Variants in CEPT1 observed in about 807,000 individuals in gnomAD.
The protein encoded by CEPT1 is choline/ethanolaminephosphotransferase 1.
In CEPT1, 7 loss-of-function variants were observed where a neutral mutation model predicts 42.6. The ratio of observed to expected loss-of-function variants is 0.16; its 90% CI spans 0.09 to 0.31. CEPT1 has a LOEUF of 0.31. Ranked by LOEUF, CEPT1 falls within the 10% of genes least tolerant of loss-of-function variation. The pLI, the probability that CEPT1 is intolerant of heterozygous loss-of-function variation, is 1.00. For missense variants in CEPT1, 306 were observed against 502.1 expected (o/e 0.61, Z 3.73); for synonymous variants, 171 against 171.9 (o/e 0.99, Z 0.04).
chr1:111,149,020 A>G (rs1431701947), intron 2 of CEPT1, among the ~76,000 whole-genome samples: 1 of 152,102 alleles, frequency 6.6e-6, no homozygotes, highest in Non-Finnish European at 1.5e-5. Flanking sequence ...TTCTCAGATT[A>G]TTTGTCCTTT....
chr1:111,159,115 G>A lies in CEPT1; in HGVS notation c.340-265G>A, dbSNP rs571727846. ...TTTTTAGTAGAGACGGGGTTTCACC[G>A]TTTTTTAGCCGGGATGGTCTCGATC... On this transcript the variant is annotated intron_variant, in intron 2 of 8. Coordinates refer to ENST00000357172, the MANE Select transcript of CEPT1 (RefSeq NM_006090.5). Among the ~76,000 whole-genome samples, 340 of 149,430 alleles carry A rather than the reference G, an allele frequency of 2.3e-3. 3 individuals carry two copies. Among genetic ancestry groups the A allele is most frequent in the East Asian group, 1.6e-3 (8 of 5,144 alleles).
intron 2 of CEPT1, among the ~76,000 whole-genome samples, chr1:111,153,648 T>C (rs191799355): frequency 1.3e-5 from 2 of 152,324 alleles, no homozygotes; most frequent in Admixed American, 6.5e-5. Context: ...TTCTTGAATA[T>C]AGTGAGAGAT....
intron 1 of CEPT1, chr1:111,140,582 CG>C (rs1240039893): frequency 2.0e-5 from 3 of 152,484 alleles, no homozygotes; most frequent in Admixed American, 6.5e-5. Context: ...GCGCGGGAGC[CG>C]GGGGGCTGTT....
intron 4 of CEPT1, among the ~76,000 whole-genome samples, chr1:111,161,664 G>T (rs1426560256): frequency 6.6e-6 from 1 of 152,132 alleles, no homozygotes; most frequent in Non-Finnish European, 1.5e-5. Context: ...GTTTCTGAGA[G>T]CAGCGCCCTA....
rs147297428 is a variant in CEPT1 at position 111,150,285 on chromosome 1, A to G, written c.339+2232A>G. ...CCCTCTTTAAATCTTATTTTGTGGT[A>G]TGATGATCATACATTCAGGGTACCT... On this transcript the variant is annotated intron_variant, in intron 2 of 8. Transcript: ENST00000357172. Among the ~76,000 whole-genome samples, 15 of 152,328 alleles carry G rather than the reference A, an allele frequency of 9.8e-5. 1 individual carries two copies. Among genetic ancestry groups the G allele is most frequent in the African/African-American group, 3.1e-4 (13 of 41,580 alleles).
chr1:111,169,112 G>A (rs1656290097), intron 4 of CEPT1, among the ~76,000 whole-genome samples: 1 of 152,294 alleles, frequency 6.6e-6, no homozygotes, highest in South Asian at 2.1e-4. Flanking sequence ...AAGTCTGTAC[G>A]TGTTCAGTAC....
At chr1:111,172,551 G>C (rs939001246) in intron 4 of CEPT1, among the ~76,000 whole-genome samples, 1 of 152,166 alleles carries the variant, frequency 6.6e-6, no homozygotes, top group African/African-American at 2.4e-5. Context: ...TTAGTGGAAA[G>C]GTGGAAGAAT....
At position 111,140,298 on chromosome 1, in the gene CEPT1, T is replaced by TG. The variant is rs1654360251; in HGVS notation, c.-79dup. Reference sequence around the variant, plus strand: ...GCGATATTTCTAGGGGTGTACTTGTTGGGGTCAGGGTAAGGCTGCGGAGCG... The same window carrying TG: ...GCGATATTTCTAGGGGTGTACTTGTTGGGGGTCAGGGTAAGGCTGCGGAGCG... On this transcript the variant is annotated 5_prime_UTR_variant, in exon 1 of 9. Transcript: ENST00000357172. The TG allele has an allele frequency of 6.6e-6, 1 of 152,506 alleles. No individual in the cohort carries two copies. The highest frequency in any genetic ancestry group is 1.5e-5 in the Non-Finnish European group (1 of 68,256). The allele number at this position is 152,506 out of a possible 1,614,324, so 9.4% of individuals were successfully genotyped here. A position where few individuals can be genotyped will look rare whatever the true frequency, so the allele number is the denominator to read the frequency against.
At chr1:111,181,264 C>G (rs1306768273) in intron 5 of CEPT1, 1 of 152,018 alleles carries the variant, frequency 6.6e-6, no homozygotes, top group East Asian at 1.9e-4. Flanking sequence ...GTTTCTATTA[C>G]TAGACTACGT....
At chr1:111,165,559 A>C (rs1055298283) in intron 4 of CEPT1, among the ~76,000 whole-genome samples, 1 of 152,138 alleles carries the variant, frequency 6.6e-6, no homozygotes. Flanking sequence ...CATGGGCCTC[A>C]TTTCCTAATT....
Position 111,146,308 on chromosome 1 carries a change from C to T in CEPT1, c.-73-1334C>T, listed in dbSNP as rs189538461. ...GTCTAAAACATCTCTACTTAAAAGT[C>T]ACATGTATATATTCCATTCCTACCC... is the stretch of plus-strand genomic sequence containing the variant. On this transcript the variant is annotated intron_variant, in intron 1 of 8. Coordinates refer to ENST00000357172, the MANE Select transcript of CEPT1 (RefSeq NM_006090.5). 1.3e-5 allele frequency among the ~76,000 whole-genome samples: 2 copies of T among 152,070 alleles called. 1 individual carries two copies. Among genetic ancestry groups the T allele is most frequent in the Non-Finnish European group, 2.9e-5 (2 of 67,992 alleles).
rs1655109681 is a variant in CEPT1 at position 111,148,720 on chromosome 1, T to TTACTTG, written c.339+668_339+673dup. On this transcript the variant is annotated intron_variant, in intron 2 of 8. Coordinates refer to ENST00000357172, the MANE Select transcript of CEPT1 (RefSeq NM_006090.5). ...TACCCTCTATTACCCTCTGTACTCA[T>TTACTTG]TACTTGAAACCAAAACTAGAACTCT... Among the ~76,000 whole-genome samples, 16 of 152,344 alleles carry TTACTTG rather than the reference T, an allele frequency of 1.1e-4. No homozygotes were observed. In the South Asian group the frequency reaches 3.3e-3, roughly 32 times the overall value.
intron 7 of CEPT1, 101 bp downstream of exon 7, chr1:111,183,058 T>G (rs1557944257): frequency 8.5e-7 from 1 of 1,179,636 alleles, no homozygotes; most frequent in East Asian, 2.4e-5. Context: ...GGTCCTAGAG[T>G]TTGCCCTCTT....
Position 111,184,378 on chromosome 1 carries a change from G to A in CEPT1, c.*68G>A. 1 of 1,251,850 alleles carries A rather than the reference G, an allele frequency of 8.0e-7. No homozygotes were observed. Among genetic ancestry groups the A allele is most frequent in the Non-Finnish European group, 1.1e-6 (1 of 885,736 alleles). 77.5% of individuals were successfully genotyped at this position (1,251,850 alleles called of 1,614,324 possible). A position where few individuals can be genotyped will look rare whatever the true frequency, so the allele number is the denominator to read the frequency against. On this transcript the variant is annotated 3_prime_UTR_variant, in exon 9 of 9. Transcript: ENST00000357172. Reference sequence around the variant, plus strand: ...AGAAAGTAACATATTAAGGAGAATGGGGGTGGATAAGAACAAATATAATTT... The same window carrying A: ...AGAAAGTAACATATTAAGGAGAATGAGGGTGGATAAGAACAAATATAATTT...
chr1:111,144,606 A>G (rs1161875507), intron 1 of CEPT1, among the ~76,000 whole-genome samples: 1 of 152,238 alleles, frequency 6.6e-6, no homozygotes, highest in Non-Finnish European at 1.5e-5. Flanking sequence ...AAATGCTCAG[A>G]CTTAAAACCA....
At chr1:111,160,953 TAAAAAAA>T (rs71096395) in intron 3 of CEPT1, 195 bp from the exon 4 acceptor site, 2 of 455,038 alleles carry the variant, frequency 4.4e-6, no homozygotes, top group South Asian at 5.0e-5. Context: ...AGTGATTTGG[TAAAAAAA>T]AAAAAAAAAA....
At chr1:111,156,066 C>T (rs1053129762) in intron 2 of CEPT1, among the ~76,000 whole-genome samples, 7 of 152,012 alleles carry the variant, frequency 4.6e-5, no homozygotes, top group Admixed American at 4.6e-4. Flanking sequence ...CTTAGTACTT[C>T]TTTTGCTGTA....
chr1:111,153,460 A>G (rs1040412037), intron 2 of CEPT1, among the ~76,000 whole-genome samples: 2 of 152,186 alleles, frequency 1.3e-5, no homozygotes, highest in Non-Finnish European at 2.9e-5. Context: ...CTTGGATTAC[A>G]GATGTGAGCC....
intron 1 of CEPT1, among the ~76,000 whole-genome samples, chr1:111,147,250 T>C (rs1655017553): frequency 6.6e-6 from 1 of 152,238 alleles, no homozygotes; most frequent in South Asian, 2.1e-4. Context: ...ATTGAAGTCA[T>C]TCCTCTGATA....
Sources: gnomAD v4.1 joint callset for allele counts (sites outside exome capture counted in the v4.1 genomes callset) on GRCh38, gnomAD v4.1.1 for gene constraint, MANE v1.5 for transcripts, NCBI Gene and HGNC (gene_info 2026-07-23, HGNC 2026-07-21) for gene names.